ARHGAP42: variants seen among roughly 807,000 people sequenced by gnomAD.
ARHGAP42 encodes Rho GTPase activating protein 42.
Under a neutral mutation model 125.0 loss-of-function variants are expected in ARHGAP42, and 63 were observed. That is an observed-to-expected ratio of 0.50 (90% confidence interval 0.41 to 0.62). ARHGAP42 has a LOEUF of 0.62. Among genes scored for constraint, ARHGAP42 ranks in the 20% least tolerant of loss-of-function variants. The probability of loss-of-function intolerance (pLI) is 0.00; values close to 1 mark genes in which losing one functional copy is unlikely to be tolerated. For missense variants in ARHGAP42, 766 were observed against 1,024.2 expected, an observed-to-expected ratio of 0.75 and a Z score of 3.44; for synonymous variants, 339 against 351.0, an observed-to-expected ratio of 0.97 and a Z score of 0.38.
At chr11:100,769,546 A>G (rs186558395) in intron 1 of ARHGAP42, among the ~76,000 whole-genome samples, 175 of 152,234 alleles carry the variant, frequency 1.1e-3, no homozygotes, top group African/African-American at 4.0e-3. Flanking sequence ...AGTTATTTGT[A>G]AACAGCCTTT....
chr11:100,787,086 A>G (rs600453), intron 2 of ARHGAP42, among the ~76,000 whole-genome samples: 76,101 of 151,550 alleles, frequency 0.5, 19,938 homozygotes, highest in South Asian at 0.63. Flanking sequence ...GACCATCCTG[A>G]CTAACACCGT....
At chr11:100,839,293 C>A (rs576279857) in intron 3 of ARHGAP42, 2 of 152,236 alleles carry the variant, frequency 1.3e-5, no homozygotes, top group South Asian at 2.1e-4. Flanking sequence ...TAATGGAAGA[C>A]AATGTCCTTT....
At chr11:100,778,318 A>C (rs547358620) in intron 2 of ARHGAP42, among the ~76,000 whole-genome samples, 4 of 152,186 alleles carry the variant, frequency 2.6e-5, no homozygotes, top group African/African-American at 9.7e-5. Flanking sequence ...ATATTTTATT[A>C]AATTTGAGGA....
In ARHGAP42 at chr11:100,887,090, C is replaced by G. The variant is rs186631632; in HGVS notation, c.385-26362C>G. On this transcript the variant is annotated intron_variant, in intron 4 of 23. Transcript: ENST00000298815. ...AAATATTGGTAAGATTCCAATAGTC[C>G]TTTAACTTCTTTGAGAAGAAATAAA... is the stretch of plus-strand genomic sequence containing the variant. Among the ~76,000 whole-genome samples the G allele has an allele frequency of 2.2e-3, 334 of 152,164 alleles. 4 individuals are homozygous for G. The highest frequency in any genetic ancestry group is 8.3e-4 in the South Asian group (4 of 4,812).
chr11:100,928,694 G>A (rs1350897953), intron 6 of ARHGAP42, among the ~76,000 whole-genome samples: 2 of 151,954 alleles, frequency 1.3e-5, no homozygotes, highest in South Asian at 2.1e-4. Flanking sequence ...TCTGTGCAAC[G>A]ATCACCACAA....
chr11:100,725,730 G>A (rs944413171), intron 1 of ARHGAP42, among the ~76,000 whole-genome samples: 2 of 151,946 alleles, frequency 1.3e-5, no homozygotes, highest in Admixed American at 6.6e-5. Flanking sequence ...GAAGTCAGGA[G>A]ATCGAGACCA....
At chr11:100,871,545 TA>T (rs35883788) in intron 4 of ARHGAP42, among the ~76,000 whole-genome samples, 125 of 127,748 alleles carry the variant, frequency 9.8e-4, no homozygotes, top group Middle Eastern at 4.3e-3. Context: ...GACTGTTTCT[TA>T]AAAAAAAAAA....
intron 6 of ARHGAP42, among the ~76,000 whole-genome samples, chr11:100,932,934 T>C (rs1351462176): frequency 6.6e-6 from 1 of 152,194 alleles, no homozygotes; most frequent in East Asian, 1.9e-4. Context: ...CAAATGTCCT[T>C]GATCAGCCTC....
intron 3 of ARHGAP42, among the ~76,000 whole-genome samples, chr11:100,820,010 G>A (rs1444930943): frequency 1.3e-5 from 2 of 151,998 alleles, no homozygotes; most frequent in Non-Finnish European, 2.9e-5. Context: ...GATAATTTTT[G>A]GTGCAGGATC....
At chr11:100,833,931 C>T (rs1864720702) in intron 3 of ARHGAP42, among the ~76,000 whole-genome samples, 1 of 151,992 alleles carries the variant, frequency 6.6e-6, no homozygotes, top group Non-Finnish European at 1.5e-5. Context: ...TTTTAAATAT[C>T]ATTAGGAGGT....
At chr11:100,837,666 C>CTATT (rs1555008871) in intron 3 of ARHGAP42, among the ~76,000 whole-genome samples, 1 of 61,042 alleles carries the variant, frequency 1.6e-5, no homozygotes, top group African/African-American at 7.1e-5. Context: ...AGGTGTCATC[C>CTATT]TTTTTTTTTT....
At chr11:100,739,851 G>A (rs1324971183) in intron 1 of ARHGAP42, among the ~76,000 whole-genome samples, 1 of 152,016 alleles carries the variant, frequency 6.6e-6, no homozygotes, top group Admixed American at 6.6e-5. Context: ...ATTCATTCCT[G>A]ACATACCCCA....
chr11:100,850,339 C>T (rs10895022), intron 3 of ARHGAP42, among the ~76,000 whole-genome samples: 38,401 of 152,050 alleles, frequency 0.25, 5,262 homozygotes, highest in South Asian at 0.45. Context: ...GTACTGAATA[C>T]TGTAGGTGAT....
At chr11:100,939,748 C>T (rs924612315) in intron 8 of ARHGAP42, among the ~76,000 whole-genome samples, 8 of 152,100 alleles carry the variant, frequency 5.3e-5, no homozygotes, top group African/African-American at 1.7e-4. Context: ...AATTGCTTGT[C>T]TAAGAACATC....
At chr11:100,739,559 T>A (rs1862135648) in intron 1 of ARHGAP42, among the ~76,000 whole-genome samples, 1 of 152,202 alleles carries the variant, frequency 6.6e-6, no homozygotes, top group South Asian at 2.1e-4. Context: ...TTTTGCATAG[T>A]GAAGTGTGCT....
At chr11:100,976,556 CT>C in intron 20 of ARHGAP42, 119 bp downstream of exon 20, 1 of 1,371,466 alleles carries the variant, frequency 7.3e-7, no homozygotes, top group Non-Finnish European at 9.6e-7. Flanking sequence ...TGCTTATCTA[CT>C]TTTTTCCTGT....
intron 4 of ARHGAP42, among the ~76,000 whole-genome samples, chr11:100,896,195 G>T (rs945340002): frequency 1.3e-5 from 2 of 152,108 alleles, no homozygotes; most frequent in Non-Finnish European, 2.9e-5. Context: ...TGGCTGCATA[G>T]TATTCCATGG....
At chr11:100,859,521 C>A in intron 3 of ARHGAP42, 33 bp from the exon 4 acceptor site, 1 of 1,499,058 alleles carries the variant, frequency 6.7e-7, no homozygotes, top group Non-Finnish European at 9.0e-7. Context: ...TGAAATTATG[C>A]AAGATTTAAT....
chr11:100,912,489 G>A (rs140597266), intron 4 of ARHGAP42, among the ~76,000 whole-genome samples: 3 of 152,282 alleles, frequency 2.0e-5, no homozygotes, highest in African/African-American at 7.2e-5. Flanking sequence ...AGGTGATCCA[G>A]AGGTTGCAGT....
Sources: gnomAD v4.1 joint callset for allele counts (sites outside exome capture counted in the v4.1 genomes callset) on GRCh38, gnomAD v4.1.1 for gene constraint, MANE v1.5 for transcripts, NCBI Gene and HGNC (gene_info 2026-07-23, HGNC 2026-07-21) for gene names.